Variants in DCC observed in about 807,000 individuals in gnomAD.
DCC encodes the protein DCC netrin 1 receptor, also known as netrin receptor DCC.
Under a neutral mutation model 172.5 loss-of-function variants are expected in DCC, and 58 were observed. The observed-to-expected ratio is 0.34, with a 90% CI of 0.27 to 0.42. The LOEUF is 0.42. DCC is among the 10% of genes least tolerant of loss of function. The probability of loss-of-function intolerance (pLI) is 1.00; values close to 1 mark genes in which losing one functional copy is unlikely to be tolerated. For synonymous variants in DCC, 709 were observed against 644.5 expected (o/e 1.10, Z -1.52); for missense variants, 1,740 against 1,791.0 (o/e 0.97, Z 0.51).
intron 21 of DCC, among the ~76,000 whole-genome samples, chr18:53,426,371 T>C (rs2019959658): frequency 6.9e-6 from 1 of 144,786 alleles, no homozygotes; most frequent in South Asian, 2.1e-4. Context: ...TATATATTTA[T>C]ACTATGTTAT....
At chr18:52,638,288 A>AC (rs1038026391) in intron 1 of DCC, among the ~76,000 whole-genome samples, 52 of 152,072 alleles carry the variant, frequency 3.4e-4, no homozygotes, top group African/African-American at 1.2e-3. Flanking sequence ...AACAAAAAAA[A>AC]ACAAAGCACA....
In DCC at chr18:53,005,261, T is replaced by A. The variant is rs558533427; in HGVS notation, c.986-58044T>A. Among the ~76,000 whole-genome samples the A allele has an allele frequency of 2.6e-5, 4 of 152,322 alleles. No individual in the cohort carries two copies. The South Asian group carries it at 8.3e-4, about 32-fold the overall frequency. ...TAATTGAAGCAGTTATCTATTTAAC[T>A]GAAGAATTCAATTCTGTTGACATTG... On this transcript the variant is annotated intron_variant, in intron 5 of 28. Transcript: ENST00000442544.
chr18:52,485,797 C>A (rs1327385268), intron 1 of DCC, among the ~76,000 whole-genome samples: 1 of 152,022 alleles, frequency 6.6e-6, no homozygotes, highest in Non-Finnish European at 1.5e-5. Flanking sequence ...GCAAAGCAAC[C>A]TCTTTTAAAT....
At chr18:53,240,332 G>A (rs1462496576) in intron 12 of DCC, among the ~76,000 whole-genome samples, 1 of 152,032 alleles carries the variant, frequency 6.6e-6, no homozygotes, top group East Asian at 1.9e-4. Flanking sequence ...CATTTCTGAG[G>A]CTGCCTCAAT....
intron 1 of DCC, among the ~76,000 whole-genome samples, chr18:52,450,273 A>G (rs1471232835): frequency 1.3e-5 from 2 of 152,200 alleles, no homozygotes; most frequent in Non-Finnish European, 2.9e-5. Flanking sequence ...GAAGAGGCTG[A>G]AAAGTTGGTC....
At chr18:52,946,350 A>C (rs1471708507) in intron 5 of DCC, among the ~76,000 whole-genome samples, 1 of 152,242 alleles carries the variant, frequency 6.6e-6, no homozygotes, top group African/African-American at 2.4e-5. Flanking sequence ...ACTGTTTTTT[A>C]GAAAAATGTA....
intron 11 of DCC, among the ~76,000 whole-genome samples, chr18:53,211,370 T>C (rs866730856): frequency 5.9e-5 from 9 of 152,206 alleles, no homozygotes; most frequent in African/African-American, 2.2e-4. Flanking sequence ...AGATTCATTG[T>C]GGAAACATGT....
chr18:52,399,853 A>G (rs1598785916), intron 1 of DCC, among the ~76,000 whole-genome samples: 1 of 152,098 alleles, frequency 6.6e-6, no homozygotes, highest in South Asian at 2.1e-4. Flanking sequence ...ATTTTCTGAG[A>G]CAGTATATCT....
intron 1 of DCC, among the ~76,000 whole-genome samples, chr18:52,620,574 TTGAAG>T (rs2034459791): frequency 6.6e-6 from 1 of 152,220 alleles, no homozygotes; most frequent in African/African-American, 2.4e-5. Flanking sequence ...ATTTTTGTTC[TTGAAG>T]TGATTTGGTT....
intron 12 of DCC, among the ~76,000 whole-genome samples, chr18:53,243,780 A>G (rs1387629703): frequency 6.6e-6 from 1 of 152,198 alleles, no homozygotes; most frequent in Non-Finnish European, 1.5e-5. Context: ...TGAAGGGTTA[A>G]GAACAACAGA....
chr18:52,857,263 C>T (rs993391735), intron 2 of DCC, among the ~76,000 whole-genome samples: 2 of 152,162 alleles, frequency 1.3e-5, no homozygotes, highest in African/African-American at 4.8e-5. Flanking sequence ...GTTTGGGTAA[C>T]ATTTTGCTAT....
chr18:53,246,367 A>T (rs547986997), intron 12 of DCC, among the ~76,000 whole-genome samples: 1 of 152,158 alleles, frequency 6.6e-6, no homozygotes, highest in Admixed American at 6.6e-5. Flanking sequence ...TCTTTTACAT[A>T]TTAAAATATT....
chr18:53,486,698 T>C, intron 25 of DCC, 99 bp from the exon 26 acceptor site: 2 of 1,492,634 alleles, frequency 1.3e-6, no homozygotes, highest in Non-Finnish European at 1.9e-6. Flanking sequence ...ATGAAGAGTG[T>C]GTATAGATTT....
At chr18:53,511,558 C>T (rs2046252490) in intron 27 of DCC, among the ~76,000 whole-genome samples, 1 of 152,234 alleles carries the variant, frequency 6.6e-6, no homozygotes, top group South Asian at 2.1e-4. Flanking sequence ...CCGGGTTCAT[C>T]TCACTAGGGA....
intron 1 of DCC, among the ~76,000 whole-genome samples, chr18:52,342,040 C>G (rs1271494042): frequency 1.3e-5 from 2 of 152,178 alleles, no homozygotes; most frequent in Non-Finnish European, 2.9e-5. Flanking sequence ...CCGGAGTCCG[C>G]AGCTCCGGCT....
At chr18:53,061,083 A>G (rs1372214642) in intron 5 of DCC, among the ~76,000 whole-genome samples, 1 of 152,156 alleles carries the variant, frequency 6.6e-6, no homozygotes, top group Non-Finnish European at 1.5e-5. Context: ...TTATCATGCA[A>G]TTATGCACTG....
chr18:53,201,784 A>T (rs1461832964), intron 9 of DCC, among the ~76,000 whole-genome samples: 1 of 152,184 alleles, frequency 6.6e-6, no homozygotes, highest in Admixed American at 6.5e-5. Flanking sequence ...TTTTTGGAAC[A>T]TAGAGCTTTT....
intron 12 of DCC, among the ~76,000 whole-genome samples, chr18:53,252,275 C>T (rs996485216): frequency 7.9e-5 from 12 of 151,466 alleles, no homozygotes; most frequent in African/African-American, 2.2e-4. Context: ...GGATTTTAGA[C>T]GATCTACAAT....
chr18:52,530,701 T>C (rs890644401), intron 1 of DCC, among the ~76,000 whole-genome samples: 2 of 152,212 alleles, frequency 1.3e-5, no homozygotes, highest in Non-Finnish European at 1.5e-5. Flanking sequence ...TATGTCTTCA[T>C]TATCTTTATC....
Sources: gnomAD v4.1 joint callset for allele counts (sites outside exome capture counted in the v4.1 genomes callset) on GRCh38, gnomAD v4.1.1 for gene constraint, MANE v1.5 for transcripts, NCBI Gene and HGNC (gene_info 2026-07-23, HGNC 2026-07-21) for gene names.